NDC80: variants seen among roughly 807,000 people sequenced by gnomAD.
The protein encoded by NDC80 is NDC80 kinetochore complex component.
In NDC80, 69 loss-of-function variants were observed where a neutral mutation model predicts 89.3. That is an observed-to-expected ratio of 0.77 (90% CI 0.64 to 0.94). NDC80 has a LOEUF of 0.94. Ranked by LOEUF, NDC80 falls within the 40% of genes least tolerant of loss-of-function variation. The probability of loss-of-function intolerance (pLI) is 0.00; values close to 1 mark genes in which losing one functional copy is unlikely to be tolerated. For synonymous variants in NDC80, 243 were observed against 255.6 expected (o/e 0.95, Z 0.47); for missense variants, 593 against 739.6 (o/e 0.80, Z 2.30).
At chr18:2,615,209 C>G (rs1022946654) in intron 16 of NDC80, 1 of 152,052 alleles carries the variant, frequency 6.6e-6, no homozygotes, top group Non-Finnish European at 1.5e-5. Context: ...ACAAAAACAA[C>G]AAGAAAAAAT....
chr18:2,612,805 C>T (rs1399997784), intron 16 of NDC80, among the ~76,000 whole-genome samples: 5 of 152,136 alleles, frequency 3.3e-5, no homozygotes, highest in African/African-American at 4.8e-5. Context: ...AAGCACTAAG[C>T]GCTTACTTTG....
Position 2,595,604 on chromosome 18 carries a change from G to T in NDC80, c.1204G>T (p.Ala402Ser), listed in dbSNP as rs2072650806. 15 of 1,613,214 alleles carry T rather than the reference G, an allele frequency of 9.3e-6. No individual in the cohort carries two copies. The highest frequency in any genetic ancestry group is 1.3e-5 in the Non-Finnish European group (15 of 1,179,454). ...QKLWNEELKY[A>S]RGKEAIETQL... ...GTTGTGGAATGAGGAGTTAAAATAT[G>T]CCAGAGGCAAAGAAGCGGTATGTCA... Residue 402 changes from alanine to serine, a missense_variant, in exon 11 of 17, where the codon GCC (alanine) becomes TCC (serine). Ala to Ser is a moderately conservative substitution (Grantham distance 99). Coordinates refer to ENST00000261597, the MANE Select transcript of NDC80 (RefSeq NM_006101.3).
At chr18:2,574,268 AG>A (rs997144966) in intron 2 of NDC80, among the ~76,000 whole-genome samples, 10 of 152,208 alleles carry the variant, frequency 6.6e-5, no homozygotes, top group Non-Finnish European at 1.5e-4. Context: ...ACAAAATTAT[AG>A]CTAAATGGGA....
At chr18:2,605,231 G>A (rs1330785414) in intron 13 of NDC80, among the ~76,000 whole-genome samples, 2 of 150,256 alleles carry the variant, frequency 1.3e-5, no homozygotes, top group African/African-American at 4.9e-5. Flanking sequence ...GCATCAAAGT[G>A]GAGAATGTCC....
In NDC80 at chr18:2,608,692, C is replaced by A; in HGVS notation, c.1558-8C>A. 1 of 1,609,198 alleles carries A rather than the reference C, an allele frequency of 6.2e-7. No individual in the cohort carries two copies. Among genetic ancestry groups the A allele is most frequent in the Non-Finnish European group, 8.5e-7 (1 of 1,176,448 alleles). Reference sequence around the variant, plus strand: ...AAGAAACCCATAACCGTGACTTTATCCTGATAGGAAGCAGAGGAAGAGGAT... The same window carrying A: ...AAGAAACCCATAACCGTGACTTTATACTGATAGGAAGCAGAGGAAGAGGAT... On this transcript the variant is annotated splice_polypyrimidine_tract_variant and splice_region_variant and intron_variant, in intron 14 of 16. Coordinates refer to ENST00000261597, the MANE Select transcript of NDC80 (RefSeq NM_006101.3).
At chr18:2,606,294 A>G (rs1450065334) in intron 13 of NDC80, 121 bp from the exon 14 acceptor site, 1 of 552,054 alleles carries the variant, frequency 1.8e-6, no homozygotes, top group Non-Finnish European at 3.0e-6. Context: ...GTGAGAGTCC[A>G]AAAGGACTAG....
At chr18:2,598,288 A>C (rs183078020) in intron 11 of NDC80, among the ~76,000 whole-genome samples, 15 of 152,372 alleles carry the variant, frequency 9.8e-5, no homozygotes, top group Admixed American at 7.2e-4. Flanking sequence ...GACTCTGCAA[A>C]TTCATTTATT....
intron 3 of NDC80, among the ~76,000 whole-genome samples, chr18:2,576,327 A>G (rs995877051): frequency 1.3e-5 from 2 of 152,224 alleles, no homozygotes; most frequent in African/African-American, 2.4e-5. Flanking sequence ...CTTTTAAAAA[A>G]CATATTTTCA....
chr18:2,616,299 G>A (rs555917956), intron 16 of NDC80, 138 bp from the exon 17 acceptor site: 19 of 484,720 alleles, frequency 3.9e-5, no homozygotes, highest in African/African-American at 3.9e-4. Context: ...TGCTGGGATT[G>A]CAGGAGTGAG....
intron 11 of NDC80, among the ~76,000 whole-genome samples, chr18:2,596,786 A>C (rs988335567): frequency 1.9e-4 from 29 of 151,810 alleles, no homozygotes; most frequent in African/African-American, 6.5e-4. Context: ...CAAATGTCCA[A>C]CAATGATAGA....
intron 8 of NDC80, among the ~76,000 whole-genome samples, chr18:2,588,147 C>T (rs1485110362): frequency 3.3e-5 from 5 of 152,084 alleles, no homozygotes; most frequent in Non-Finnish European, 5.9e-5. Flanking sequence ...CTGTCTGTGG[C>T]GCCTTAATAA....
In NDC80 at chr18:2,590,026, A is replaced by C. The variant is rs2072619708; in HGVS notation, c.879A>C (p.Leu293=). 2 of 1,596,166 alleles carry C rather than the reference A, an allele frequency of 1.3e-6. No individual in the cohort carries two copies. The highest frequency in any genetic ancestry group is 1.3e-5 in the African/African-American group (1 of 74,252). The change falls in exon 10 of 17, where the codon CTA becomes CTC. Residue 293 remains leucine (L), a synonymous_variant. Coordinates refer to ENST00000261597, the MANE Select transcript of NDC80 (RefSeq NM_006101.3). ...EQEREKEPNR[L]ESLRKLKASL... is the part of the protein sequence containing the mutation. ...ATTCTTTTCTCTTAAAGAATCGTCT[A>C]GAGTCGTTGAGAAAACTGAAGGCTT...
chr18:2,580,248 G>A (rs1047376717), intron 6 of NDC80, among the ~76,000 whole-genome samples: 2 of 150,836 alleles, frequency 1.3e-5, no homozygotes, highest in African/African-American at 4.9e-5. Flanking sequence ...GTGTTGATTT[G>A]CAAGGGTGCC....
In NDC80 at chr18:2,577,974, T is replaced by C. The variant is rs746883509; in HGVS notation, c.309T>C (p.Leu103=). ...QQCIRQLCEF[L]TENGYAHNVS... ...GTTCATAAAAATTATTGTAGTTTCT[T>C]ACAGAAAATGGTTATGCACATAATG... Residue 103 remains leucine (L), a synonymous_variant, in exon 5 of 17, where the codon CTT becomes CTC. Transcript: ENST00000261597. 5.6e-6 allele frequency: 9 copies of C among 1,610,956 alleles called. No homozygotes were observed. The highest frequency in any genetic ancestry group is 4.2e-6 in the Non-Finnish European group (5 of 1,178,624).
intron 8 of NDC80, among the ~76,000 whole-genome samples, chr18:2,588,478 T>C (rs2072612619): frequency 6.6e-6 from 1 of 152,076 alleles, no homozygotes; most frequent in Non-Finnish European, 1.5e-5. Flanking sequence ...TCTAAAACAT[T>C]CCAGAGGTAT....
chr18:2,598,285 C>T (rs2072667615), intron 11 of NDC80, among the ~76,000 whole-genome samples: 1 of 152,198 alleles, frequency 6.6e-6, no homozygotes, highest in Non-Finnish European at 1.5e-5. Context: ...CTAGACTCTG[C>T]AAATTCATTT....
At chr18:2,579,081 CA>C (rs544303226) in intron 6 of NDC80, 52 bp downstream of exon 6, 511 of 1,119,692 alleles carry the variant, frequency 4.6e-4, no homozygotes, top group African/African-American at 2.5e-3. Flanking sequence ...TTTTTTTCCT[CA>C]AAAAAAATAT....
chr18:2,610,733 C>A, intron 15 of NDC80, 26 bp from the exon 16 acceptor site: 1 of 1,504,582 alleles, frequency 6.6e-7, no homozygotes, highest in Non-Finnish European at 9.1e-7. Flanking sequence ...TCCTGGACAA[C>A]TTAAACAAGA....
chr18:2,599,918 A>G (rs564490997), intron 12 of NDC80, among the ~76,000 whole-genome samples: 117 of 152,372 alleles, frequency 7.7e-4, no homozygotes, highest in African/African-American at 2.6e-3. Context: ...GACCAGCTAC[A>G]TATTAGAGAT....
Sources: gnomAD v4.1 joint callset for allele counts (sites outside exome capture counted in the v4.1 genomes callset) on GRCh38, gnomAD v4.1.1 for gene constraint, MANE v1.5 for transcripts, NCBI Gene and HGNC (gene_info 2026-07-23, HGNC 2026-07-21) for gene names.